UBR3: variants seen among roughly 807,000 people sequenced by gnomAD.
The protein encoded by UBR3 is E3 ubiquitin-protein ligase UBR3.
UBR3 carries 85 observed loss-of-function variants against 243.2 expected under a neutral mutation model. The ratio of observed to expected loss-of-function variants is 0.35; its 90% CI spans 0.29 to 0.42. UBR3 has a LOEUF of 0.42. Ranked by LOEUF, UBR3 falls within the 10% of genes least tolerant of loss-of-function variation. The pLI is 1.00. For missense variants in UBR3, 1,686 were observed against 2,300.8 expected (o/e 0.73, Z 5.47); for synonymous variants, 748 against 799.8 (o/e 0.94, Z 1.09).
chr2:169,970,537 A>T (rs1228977752), intron 24 of UBR3, among the ~76,000 whole-genome samples: 1 of 113,166 alleles, frequency 8.8e-6, no homozygotes, highest in East Asian at 2.7e-4. Context: ...ATGTGTTCTC[A>T]TTGTTCAATT....
chr2:169,926,711 A>C lies in UBR3; in HGVS notation c.2171A>C (p.Asp724Ala). 1 of 1,549,998 alleles carries C rather than the reference A, an allele frequency of 6.5e-7. No homozygotes were observed. The highest frequency in any genetic ancestry group is 8.7e-7 in the Non-Finnish European group (1 of 1,146,452). ...YLLQVCASRLDPDYFISSVFE... is the reference protein window; with the variant it reads ...YLLQVCASRLAPDYFISSVFE... ...TTAAAGGTTTGTGCTTCTAGACTTG[A>C]CCCAGATTATTTTATTTCATCCGTC... is the stretch of plus-strand genomic sequence containing the variant. The change falls in exon 15 of 39, where the codon GAC becomes GCC. Residue 724 changes from aspartate to alanine, a missense_variant. By Grantham distance (126) the Asp-to-Ala change is moderately radical. This residue lies in a region of UBR3 where 346 missense variants were observed against 585.8 expected (regional missense o/e 0.59). Transcript: ENST00000272793.
At chr2:169,980,869 G>A (rs565266161) in intron 24 of UBR3, among the ~76,000 whole-genome samples, 1 of 149,638 alleles carries the variant, frequency 6.7e-6, no homozygotes, top group Non-Finnish European at 1.5e-5. Context: ...TAAGAACTGG[G>A]GCAGGGAACA....
At chr2:169,890,603 G>GTGTATATATATA (rs2084339588) in intron 5 of UBR3, among the ~76,000 whole-genome samples, 1 of 94,048 alleles carries the variant, frequency 1.1e-5, no homozygotes, top group Non-Finnish European at 2.2e-5. Flanking sequence ...GTATATATAT[G>GTGTATATATATA]TATATATATC....
chr2:169,884,159 T>A (rs2105319346), intron 5 of UBR3, among the ~76,000 whole-genome samples: 1 of 150,090 alleles, frequency 6.7e-6, no homozygotes, highest in South Asian at 2.1e-4. Flanking sequence ...GAGCTGACTT[T>A]TTTTTTTTTT....
intron 8 of UBR3, 76 bp downstream of exon 8, chr2:169,896,811 C>A: frequency 1.0e-6 from 1 of 992,930 alleles, no homozygotes; most frequent in Non-Finnish European, 1.4e-6. Flanking sequence ...ACTTCATATA[C>A]TTAGTAATAT....
intron 5 of UBR3, among the ~76,000 whole-genome samples, chr2:169,887,331 C>A (rs1485605211): frequency 6.6e-6 from 1 of 152,176 alleles, no homozygotes; most frequent in Non-Finnish European, 1.5e-5. Context: ...GATTTATTTC[C>A]TCTTGTCAGT....
intron 5 of UBR3, 103 bp from the exon 6 acceptor site, chr2:169,891,062 A>C: frequency 2.3e-5 from 16 of 708,146 alleles, no homozygotes; most frequent in Non-Finnish European, 3.0e-5. Flanking sequence ...GTAGTATGTA[A>C]GCATGCATAT....
At chr2:169,931,233 C>T (rs2086111875) in intron 18 of UBR3, among the ~76,000 whole-genome samples, 1 of 151,636 alleles carries the variant, frequency 6.6e-6, no homozygotes, top group African/African-American at 2.4e-5. Context: ...CACCTGTAGT[C>T]CCAGCAACTC....
chr2:170,024,272 T>G (rs1321902305), intron 30 of UBR3, among the ~76,000 whole-genome samples: 2 of 145,008 alleles, frequency 1.4e-5, no homozygotes, highest in African/African-American at 2.6e-5. Flanking sequence ...GAGAATTGCT[T>G]GAATCCGGGA....
At chr2:170,044,399 C>A (rs949242315) in intron 32 of UBR3, among the ~76,000 whole-genome samples, 1 of 151,974 alleles carries the variant, frequency 6.6e-6, no homozygotes, top group Non-Finnish European at 1.5e-5. Context: ...GTTGAAAGAC[C>A]TTTTTATGCC....
chr2:170,051,486 AG>A (rs2091215884), intron 32 of UBR3, among the ~76,000 whole-genome samples: 1 of 152,080 alleles, frequency 6.6e-6, no homozygotes, highest in Admixed American at 6.6e-5. Context: ...CTGGGCTTAC[AG>A]GCACCCGCCA....
chr2:169,881,724 TTATATTA>T (rs1180414033), intron 5 of UBR3, among the ~76,000 whole-genome samples: 1 of 139,924 alleles, frequency 7.1e-6, no homozygotes, highest in Non-Finnish European at 1.5e-5. Context: ...ATATGTATAT[TTATATTA>T]TATATTATAT....
intron 20 of UBR3, among the ~76,000 whole-genome samples, chr2:169,946,010 C>T (rs1387371880): frequency 6.6e-6 from 1 of 152,026 alleles, no homozygotes; most frequent in Non-Finnish European, 1.5e-5. Flanking sequence ...ATGGATTATC[C>T]TATTTGGTAA....
intron 24 of UBR3, among the ~76,000 whole-genome samples, chr2:169,980,203 G>A (rs745745385): frequency 1.6e-4 from 24 of 152,122 alleles, no homozygotes; most frequent in Non-Finnish European, 2.8e-4. Context: ...TGGATTTCTC[G>A]CCGTTGGAGT....
chr2:169,991,172 T>A (rs1338700307), intron 25 of UBR3, among the ~76,000 whole-genome samples: 1 of 152,174 alleles, frequency 6.6e-6, no homozygotes, highest in Non-Finnish European at 1.5e-5. Flanking sequence ...TATAAACATA[T>A]ATGCTCCAAA....
At chr2:169,964,574 C>A in intron 24 of UBR3, 1 of 404,930 alleles carries the variant, frequency 2.5e-6, no homozygotes, top group Admixed American at 3.4e-5. Context: ...ATGGGAAGCT[C>A]AGGCAGATGA....
intron 25 of UBR3, 27 bp from the exon 26 acceptor site, chr2:169,994,296 T>C (rs1264120739): frequency 4.3e-6 from 7 of 1,612,472 alleles, no homozygotes; most frequent in Non-Finnish European, 5.9e-6. Context: ...TTATTTTTGA[T>C]TAATGAGCTT....
chr2:170,034,764 A>G (rs2090779530), intron 31 of UBR3, among the ~76,000 whole-genome samples: 1 of 152,044 alleles, frequency 6.6e-6, no homozygotes, highest in South Asian at 2.1e-4. Flanking sequence ...TTTCCAAAAT[A>G]TCAGTATCAT....
chr2:169,877,708 T>C, intron 4 of UBR3, 71 bp downstream of exon 4: 2 of 1,407,366 alleles, frequency 1.4e-6, no homozygotes, highest in Non-Finnish European at 9.5e-7. Flanking sequence ...TCTCAAACTT[T>C]ACTCATTATT....
Sources: allele counts gnomAD v4.1 joint callset (sites outside exome capture counted in the v4.1 genomes callset), GRCh38; gene constraint gnomAD v4.1.1; regional missense constraint gnomAD v4.1.1; transcripts MANE v1.5; gene names NCBI Gene and HGNC (gene_info 2026-07-23, HGNC 2026-07-21).